The following VPS13B variants were observed in gnomAD, a reference collection of about 807,000 sequenced individuals.
The protein encoded by VPS13B is intermembrane lipid transfer protein VPS13B.
In VPS13B, 285 loss-of-function variants were observed where a neutral mutation model predicts 426.4. The ratio of observed to expected loss-of-function variants is 0.67; its 90% confidence interval spans 0.61 to 0.74. The LOEUF is 0.74. Among genes scored for constraint, VPS13B ranks in the 30% least tolerant of loss-of-function variants. The probability of loss-of-function intolerance (pLI) is 0.00; values close to 1 mark genes in which losing one functional copy is unlikely to be tolerated. For synonymous variants in VPS13B, 1,676 were observed against 1,676.4 expected (o/e 1.00, Z 0.01); for missense variants, 4,537 against 4,782.6 (o/e 0.95, Z 1.51).
chr8:99,865,985 C>T (rs1014058249), intron 58 of VPS13B, among the ~76,000 whole-genome samples: 14 of 152,324 alleles, frequency 9.2e-5, no homozygotes, highest in Admixed American at 2.6e-4. Flanking sequence ...CCTCCTCCTG[C>T]GCCTTCCAAG....
chr8:99,670,344 T>C (rs1031483252), intron 35 of VPS13B, among the ~76,000 whole-genome samples: 3 of 152,144 alleles, frequency 2.0e-5, no homozygotes, highest in Non-Finnish European at 4.4e-5. Context: ...TCAAGCTTTA[T>C]TGAGGTATAA....
At chr8:99,538,305 G>A (rs1292522449) in intron 30 of VPS13B, among the ~76,000 whole-genome samples, 5 of 152,080 alleles carry the variant, frequency 3.3e-5, no homozygotes, top group Middle Eastern at 3.2e-3. Context: ...TCCTTTAAAT[G>A]TTTAGGTTTT....
At position 99,859,457 on chromosome 8, in the gene VPS13B, C is replaced by T. The variant is rs771376605; in HGVS notation, c.11021C>T (p.Ser3674Leu). The part of the protein sequence containing the change: ...FVSGVSRGTT[S>L]FVKHISKGTL... ...AGTGGCGTCTCCAGAGGGACCACAT[C>T]GTTTGTAAAGCACATCTCCAAAGGT... Residue 3674 changes from serine (S) to leucine (L), a missense_variant, in exon 57 of 62, where the codon TCG becomes TTG. Around this residue, in one of 2 missense-constraint regions of VPS13B, gnomAD observed 4,311 missense variants for 4,474.3 expected, o/e 0.96. Coordinates refer to ENST00000357162, the MANE Select transcript of VPS13B (RefSeq NM_152564.5). 11 of 1,613,332 alleles carry T rather than the reference C, an allele frequency of 6.8e-6. No individual in the cohort carries two copies. The African/African-American group carries it at 9.4e-5, about 14-fold the overall frequency.
intron 33 of VPS13B, among the ~76,000 whole-genome samples, chr8:99,599,052 C>G (rs1827159364): frequency 6.6e-6 from 1 of 151,906 alleles, no homozygotes; most frequent in African/African-American, 2.4e-5. Flanking sequence ...TTGTATTTGA[C>G]TTCTCTACAA....
intron 16 of VPS13B, among the ~76,000 whole-genome samples, chr8:99,184,295 A>T (rs1813098490): frequency 6.6e-6 from 1 of 152,114 alleles, no homozygotes; most frequent in South Asian, 2.1e-4. Flanking sequence ...AGAAACTGCA[A>T]TCTGTTTTGC....
At chr8:99,771,846 T>C (rs557124686) in intron 40 of VPS13B, among the ~76,000 whole-genome samples, 53 of 152,342 alleles carry the variant, frequency 3.5e-4, no homozygotes, top group Non-Finnish European at 6.2e-4. Context: ...TGGAACTGCT[T>C]TGTCACCTGT....
At position 99,481,609 on chromosome 8, in the gene VPS13B, T is replaced by C; in HGVS notation, c.3677T>C (p.Phe1226Ser). ...IKCSNPQVQL[F>S]YELTDIMNKV... ...TTCTTATGCTCTCAGGTCCAGCTCT[T>C]CTATGAACTAACTGATATCATGAAT... The change falls in exon 25 of 62, where the codon TTC becomes TCC. Residue 1226 changes from phenylalanine to serine, a missense_variant. Physicochemically the swap from Phe to Ser is radical, Grantham distance 155. Coordinates refer to ENST00000357162, the MANE Select transcript of VPS13B (RefSeq NM_152564.5). 1 of 1,613,842 alleles carries C rather than the reference T, an allele frequency of 6.2e-7. No individual in the cohort carries two copies. Among genetic ancestry groups the C allele is most frequent in the Non-Finnish European group, 8.5e-7 (1 of 1,179,840 alleles).
At chr8:99,768,664 T>C (rs1811344845) in intron 40 of VPS13B, among the ~76,000 whole-genome samples, 1 of 152,192 alleles carries the variant, frequency 6.6e-6, no homozygotes, top group African/African-American at 2.4e-5. Flanking sequence ...TTCTAGGTCA[T>C]TTGGGCTCTT....
intron 17 of VPS13B, among the ~76,000 whole-genome samples, chr8:99,250,102 A>G (rs1003979263): frequency 6.6e-6 from 1 of 152,064 alleles, no homozygotes; most frequent in Non-Finnish European, 1.5e-5. Flanking sequence ...TATAATTTGC[A>G]TTTCTCTGAT....
intron 33 of VPS13B, among the ~76,000 whole-genome samples, chr8:99,630,359 G>T (rs866346698): frequency 4.0e-5 from 6 of 151,156 alleles, no homozygotes; most frequent in Admixed American, 1.3e-4. Context: ...TGTCTTTTTT[G>T]TGTGTTTCCC....
At chr8:99,366,510 T>C (rs964839991) in intron 19 of VPS13B, among the ~76,000 whole-genome samples, 30 of 151,618 alleles carry the variant, frequency 2.0e-4, no homozygotes, top group Admixed American at 1.8e-3. Flanking sequence ...CAATAGATCA[T>C]TGGGTCTTGT....
chr8:99,274,950 TTAAATGTA>T (rs1818815551), intron 18 of VPS13B, 123 bp from the exon 19 acceptor site: 3 of 812,984 alleles, frequency 3.7e-6, no homozygotes, highest in Non-Finnish European at 1.8e-6. Context: ...CTCAGTATAA[TTAAATGTA>T]TAGCTAATAT....
intron 43 of VPS13B, among the ~76,000 whole-genome samples, chr8:99,804,534 A>G (rs1208141304): frequency 6.6e-6 from 1 of 152,198 alleles, no homozygotes; most frequent in Admixed American, 6.5e-5. Context: ...AGGCACTCAT[A>G]CTAATTCTGT....
intron 35 of VPS13B, among the ~76,000 whole-genome samples, chr8:99,677,962 G>A (rs1051275568): frequency 6.6e-6 from 1 of 151,894 alleles, no homozygotes; most frequent in Non-Finnish European, 1.5e-5. Context: ...ACACAGTCTT[G>A]AGCCTTCCTT....
At chr8:99,317,987 G>A (rs1809765267) in intron 19 of VPS13B, among the ~76,000 whole-genome samples, 1 of 151,996 alleles carries the variant, frequency 6.6e-6, no homozygotes, top group African/African-American at 2.4e-5. Context: ...TTTTTTGGGG[G>A]GTTAGGAACA....
At chr8:99,847,819 T>G (rs961641257) in intron 54 of VPS13B, among the ~76,000 whole-genome samples, 1 of 152,204 alleles carries the variant, frequency 6.6e-6, no homozygotes, top group Non-Finnish European at 1.5e-5. Context: ...CTCTGGTGCT[T>G]CTTCATGTGA....
At chr8:99,524,152 A>G (rs1822522737) in intron 30 of VPS13B, among the ~76,000 whole-genome samples, 1 of 152,074 alleles carries the variant, frequency 6.6e-6, no homozygotes, top group Non-Finnish European at 1.5e-5. Context: ...AGAAGAAAGA[A>G]TTAGTAAGCT....
intron 20 of VPS13B, among the ~76,000 whole-genome samples, chr8:99,388,660 A>G (rs1020062955): frequency 1.3e-5 from 2 of 152,242 alleles, no homozygotes; most frequent in African/African-American, 4.8e-5. Flanking sequence ...TATTTCTAGA[A>G]TAGTGGAGGA....
At chr8:99,851,499 G>T (rs556814876) in intron 55 of VPS13B, among the ~76,000 whole-genome samples, 2 of 152,322 alleles carry the variant, frequency 1.3e-5, no homozygotes, top group South Asian at 4.1e-4. Context: ...CAGGGCCAAG[G>T]GACTGGGAAA....
Sources: gnomAD v4.1 joint callset for allele counts (sites outside exome capture counted in the v4.1 genomes callset) on GRCh38, gnomAD v4.1.1 for gene constraint, gnomAD v4.1.1 regional missense constraint, MANE v1.5 for transcripts, NCBI Gene and HGNC (gene_info 2026-07-23, HGNC 2026-07-21) for gene names.